SIPA1L1: variants seen among roughly 807,000 people sequenced by gnomAD.
SIPA1L1 encodes signal induced proliferation associated 1 like 1, also known as signal-induced proliferation-associated 1-like protein 1.
A neutral mutation model predicts 162.7 loss-of-function variants in SIPA1L1; 26 were observed. The ratio of observed to expected loss-of-function variants is 0.16; its 90% CI spans 0.12 to 0.22. The LOEUF (loss-of-function observed/expected upper bound fraction) is 0.22. Ranked by LOEUF, SIPA1L1 falls within the 10% of genes least tolerant of loss-of-function variation. The pLI is 1.00. For missense variants in SIPA1L1, 1,874 were observed against 2,241.0 expected, an observed-to-expected ratio of 0.84 and a Z score of 3.31; for synonymous variants, 829 against 837.4, an observed-to-expected ratio of 0.99 and a Z score of 0.17.
intron 3 of SIPA1L1, among the ~76,000 whole-genome samples, chr14:71,519,990 A>G (rs958639704): frequency 6.6e-6 from 1 of 151,268 alleles, no homozygotes; most frequent in Non-Finnish European, 1.5e-5. Context: ...CACACCTATA[A>G]TCTTAGCGGC....
chr14:71,476,649 T>TTTTA (rs200935200), intron 2 of SIPA1L1, among the ~76,000 whole-genome samples: 27,857 of 146,142 alleles, frequency 0.19, 3,541 homozygotes, highest in African/African-American at 0.35. Context: ...AATTTGTTCG[T>TTTTA]TTTATTTATT....
intron 7 of SIPA1L1, among the ~76,000 whole-genome samples, chr14:71,644,762 A>T (rs539735384): frequency 1.3e-5 from 2 of 152,180 alleles, no homozygotes; most frequent in South Asian, 4.1e-4. Flanking sequence ...CTTAAATTCT[A>T]TTATGTCAGG....
chr14:71,398,175 C>A (rs1375918145), intron 2 of SIPA1L1, among the ~76,000 whole-genome samples: 4 of 151,948 alleles, frequency 2.6e-5, no homozygotes, highest in African/African-American at 9.7e-5. Context: ...GCCACTGCAC[C>A]CGGCTAATTT....
intron 5 of SIPA1L1, among the ~76,000 whole-genome samples, chr14:71,605,049 A>G (rs2037324030): frequency 6.6e-6 from 1 of 152,096 alleles, no homozygotes; most frequent in Non-Finnish European, 1.5e-5. Flanking sequence ...ATAATGTCTC[A>G]TGTCACATAA....
intron 2 of SIPA1L1, among the ~76,000 whole-genome samples, chr14:71,472,749 A>G (rs2047558252): frequency 2.0e-5 from 3 of 148,488 alleles, no homozygotes; most frequent in South Asian, 2.2e-4. Context: ...AGTTTTTACT[A>G]TGTGAACTTT....
chr14:71,689,048 G>A (rs934553507), intron 13 of SIPA1L1, among the ~76,000 whole-genome samples: 2 of 152,150 alleles, frequency 1.3e-5, no homozygotes, highest in African/African-American at 4.8e-5. Flanking sequence ...ACTGCTTGTA[G>A]AAGCATAGTT....
Position 71,544,508 on chromosome 14 carries a change from T to C in SIPA1L1, c.-303+15138T>C, listed in dbSNP as rs1408865366. On this transcript the variant is annotated intron_variant, in intron 4 of 23. Coordinates refer to ENST00000381232, the MANE Select transcript of SIPA1L1 (RefSeq NM_001386936.1). The stretch of plus-strand genomic sequence containing the variant: ...CTTGAGTTTTTTTCATGGTTAACGC[T>C]GTACTATGTGTTACCTAAGAAATCT... Among the ~76,000 whole-genome samples the C allele has an allele frequency of 2.0e-5, 3 of 152,312 alleles. No homozygotes were observed. The East Asian group carries it at 5.8e-4, about 29-fold the overall frequency.
intron 7 of SIPA1L1, among the ~76,000 whole-genome samples, chr14:71,629,476 T>G (rs2040358401): frequency 6.6e-6 from 1 of 152,158 alleles, no homozygotes; most frequent in Non-Finnish European, 1.5e-5. Flanking sequence ...CCTGTCCTCT[T>G]TTCCCTCCCC....
At chr14:71,374,663 T>C (rs1423290595) in intron 2 of SIPA1L1, among the ~76,000 whole-genome samples, 1 of 151,428 alleles carries the variant, frequency 6.6e-6, no homozygotes, top group Non-Finnish European at 1.5e-5. Context: ...GTATGCTTCC[T>C]GCTTCTCTCT....
At chr14:71,640,353 T>C (rs796534054) in intron 7 of SIPA1L1, among the ~76,000 whole-genome samples, 7 of 152,314 alleles carry the variant, frequency 4.6e-5, no homozygotes, top group African/African-American at 1.7e-4. Flanking sequence ...CACCAAGAGC[T>C]TGATCTAGAA....
chr14:71,332,445 T>A (rs905657046), intron 2 of SIPA1L1, among the ~76,000 whole-genome samples: 1 of 152,140 alleles, frequency 6.6e-6, no homozygotes, highest in Non-Finnish European at 1.5e-5. Flanking sequence ...ATATTAAATA[T>A]TATTTATATA....
chr14:71,738,292 T>C lies in SIPA1L1; in HGVS notation c.5175T>C (p.Gly1725=). 1 of 1,613,514 alleles carries C rather than the reference T, an allele frequency of 6.2e-7. No homozygotes were observed. Among genetic ancestry groups the C allele is most frequent in the South Asian group, 1.1e-5 (1 of 91,066 alleles). Reference sequence around the variant, plus strand: ...CTTCTAAAGTGGACCAGCTGGAAGGTATGCTGAAGATGCTTCGGGAAGATT... The same window carrying C: ...CTTCTAAAGTGGACCAGCTGGAAGGCATGCTGAAGATGCTTCGGGAAGATT... The part of the protein sequence containing the change: ...TLASKVDQLE[G]MLKMLREDLK... The change falls in exon 23 of 24, where the codon GGT becomes GGC. Residue 1725 remains glycine, a synonymous_variant. Coordinates refer to ENST00000381232, the MANE Select transcript of SIPA1L1 (RefSeq NM_001386936.1).
At chr14:71,736,408 A>G (rs2085298550) in intron 22 of SIPA1L1, among the ~76,000 whole-genome samples, 1 of 152,232 alleles carries the variant, frequency 6.6e-6, no homozygotes, top group South Asian at 2.1e-4. Context: ...AGAAAAAGGA[A>G]AAAACCTTTC....
intron 14 of SIPA1L1, among the ~76,000 whole-genome samples, chr14:71,701,744 T>A (rs994989937): frequency 6.6e-6 from 1 of 152,236 alleles, no homozygotes; most frequent in East Asian, 1.9e-4. Context: ...AGCTAAATGT[T>A]CTTTCCAGAA....
chr14:71,739,888 T>A lies in SIPA1L1; in HGVS notation c.*727T>A, dbSNP rs1157582758. The A allele has an allele frequency of 6.6e-6, 1 of 152,216 alleles. No individual in the cohort carries two copies. Among genetic ancestry groups the A allele is most frequent in the Non-Finnish European group, 1.5e-5 (1 of 68,040 alleles). 9.4% of individuals were successfully genotyped at this position (152,216 alleles called of 1,614,324 possible). A position where few individuals can be genotyped will look rare whatever the true frequency, so the allele number is the denominator to read the frequency against. ...CCCAGGAAGATGGTCCCACTTGTGC[T>A]GCAAGACTCTTTTTTGTTTGGCTTA... On this transcript the variant is annotated 3_prime_UTR_variant, in exon 24 of 24. Coordinates refer to ENST00000381232, the MANE Select transcript of SIPA1L1 (RefSeq NM_001386936.1).
chr14:71,726,963 A>G (rs969554761), intron 19 of SIPA1L1, among the ~76,000 whole-genome samples: 3 of 151,956 alleles, frequency 2.0e-5, no homozygotes, highest in Non-Finnish European at 4.4e-5. Context: ...GGGCTGTGAC[A>G]CTCCAAAGCC....
chr14:71,696,418 A>G (rs886661057), intron 13 of SIPA1L1, among the ~76,000 whole-genome samples: 2 of 152,246 alleles, frequency 1.3e-5, no homozygotes, highest in African/African-American at 2.4e-5. Context: ...GTGTAATTCT[A>G]TCACCTGTAA....
intron 4 of SIPA1L1, among the ~76,000 whole-genome samples, chr14:71,566,585 A>G (rs1351537848): frequency 6.6e-6 from 1 of 152,204 alleles, no homozygotes; most frequent in Non-Finnish European, 1.5e-5. Context: ...ATGCACGGGA[A>G]CTTGTTTTTG....
intron 19 of SIPA1L1, among the ~76,000 whole-genome samples, chr14:71,726,637 T>C (rs1223216544): frequency 6.6e-6 from 1 of 152,236 alleles, no homozygotes; most frequent in Non-Finnish European, 1.5e-5. Flanking sequence ...CTTTATGTTG[T>C]GACTGTATTA....
Sources: allele counts gnomAD v4.1 joint callset (sites outside exome capture counted in the v4.1 genomes callset), GRCh38; gene constraint gnomAD v4.1.1; transcripts MANE v1.5; gene names NCBI Gene and HGNC (gene_info 2026-07-23, HGNC 2026-07-21).